The following SSBP2 variants were observed in gnomAD, a reference collection of about 807,000 sequenced individuals.
SSBP2 encodes single stranded DNA binding protein 2.
Under a neutral mutation model 61.8 loss-of-function variants are expected in SSBP2, and 17 were observed. The ratio of observed to expected loss-of-function variants is 0.28; its 90% confidence interval spans 0.19 to 0.41. The LOEUF is 0.41. SSBP2 is among the 10% of genes least tolerant of loss of function. The pLI is 1.00. For synonymous variants in SSBP2, 139 were observed against 141.3 expected (o/e 0.98, Z 0.12); for missense variants, 310 against 458.7 (o/e 0.68, Z 2.96).
chr5:81,461,198 G>T (rs960071186), intron 9 of SSBP2, 95 bp from the exon 10 acceptor site: 26 of 944,246 alleles, frequency 2.8e-5, no homozygotes, highest in Non-Finnish European at 3.8e-5. Flanking sequence ...TTATAATTCA[G>T]TTACTATGCA....
At position 81,550,789 on chromosome 5, in the gene SSBP2, A is replaced by C. The variant is rs376159244; in HGVS notation, c.283-37072T>G. ...CAAACACAGGAATTATGTTTACAAT[A>C]AAAGAAGTTTAGAAATCATAGAAGA... On this transcript the variant is annotated intron_variant, in intron 4 of 16. Transcript: ENST00000320672. 9.3e-4 allele frequency among the ~76,000 whole-genome samples: 142 copies of C among 152,350 alleles called. 3 individuals are homozygous for C. In the South Asian group the frequency reaches 0.029, roughly 31 times the overall value.
chr5:81,706,551 T>C (rs1296307972), intron 1 of SSBP2, among the ~76,000 whole-genome samples: 2 of 152,220 alleles, frequency 1.3e-5, no homozygotes, highest in Non-Finnish European at 2.9e-5. Flanking sequence ...TGGTGATACA[T>C]ATACATATAA....
chr5:81,639,577 C>A (rs546089958), intron 2 of SSBP2, among the ~76,000 whole-genome samples: 1 of 151,326 alleles, frequency 6.6e-6, no homozygotes, highest in East Asian at 1.9e-4. Flanking sequence ...AGCAGGAAAA[C>A]AGTAAAGTGG....
rs1448844381 is a variant in SSBP2 at position 81,413,542 on chromosome 5, GTTAA to G, written c.*6958_*6961del. Reference sequence around the variant, plus strand: ...CTTAAATTCGGAAAATCACAACTAGGTTAATTAAACAATTCAATACGTTAATGGC... The same window carrying G: ...CTTAAATTCGGAAAATCACAACTAGGTTAAACAATTCAATACGTTAATGGC... On this transcript the variant is annotated 3_prime_UTR_variant, in exon 17 of 17. Transcript: ENST00000320672. 3 of 152,038 alleles carry G rather than the reference GTTAA, an allele frequency of 2.0e-5. No homozygotes were observed. The highest frequency in any genetic ancestry group is 7.2e-5 in the African/African-American group (3 of 41,412). The allele number at this position is 152,038 out of a possible 1,614,324, so 9.4% of individuals were successfully genotyped here.
chr5:81,495,107 T>C (rs1051117924), intron 5 of SSBP2, among the ~76,000 whole-genome samples: 77 of 152,332 alleles, frequency 5.1e-4, no homozygotes, highest in African/African-American at 1.7e-3. Flanking sequence ...CTTAGCTTTT[T>C]ATCTCAATTC....
At chr5:81,432,946 C>CA (rs1762411113) in intron 15 of SSBP2, among the ~76,000 whole-genome samples, 1 of 142,988 alleles carries the variant, frequency 7.0e-6, no homozygotes. Flanking sequence ...GGGGGTCAGC[C>CA]CCCCGCCCAG....
intron 4 of SSBP2, among the ~76,000 whole-genome samples, chr5:81,539,900 C>A (rs1771117560): frequency 6.6e-6 from 1 of 152,120 alleles, no homozygotes; most frequent in African/African-American, 2.4e-5. Flanking sequence ...CCTTAGCCCC[C>A]CACCCCGACA....
intron 10 of SSBP2, among the ~76,000 whole-genome samples, chr5:81,451,293 T>A (rs1469408558): frequency 1.3e-5 from 2 of 152,190 alleles, no homozygotes; most frequent in African/African-American, 4.8e-5. Flanking sequence ...CAACATTCTA[T>A]TATTTATAGA....
chr5:81,611,902 C>G (rs1745486983), intron 4 of SSBP2, among the ~76,000 whole-genome samples: 1 of 152,058 alleles, frequency 6.6e-6, no homozygotes, highest in East Asian at 1.9e-4. Context: ...AAGATAAATA[C>G]ATTCTGGAGA....
intron 5 of SSBP2, among the ~76,000 whole-genome samples, chr5:81,492,667 G>T (rs1766948716): frequency 6.6e-6 from 1 of 151,686 alleles, no homozygotes; most frequent in African/African-American, 2.4e-5. Context: ...CTGGAAAAAA[G>T]CCTTCCCCAG....
intron 10 of SSBP2, among the ~76,000 whole-genome samples, chr5:81,454,648 T>C (rs1764008376): frequency 6.6e-6 from 1 of 151,516 alleles, no homozygotes; most frequent in Non-Finnish European, 1.5e-5. Flanking sequence ...GCCACTGCAC[T>C]CCAGCCTGGT....
intron 4 of SSBP2, among the ~76,000 whole-genome samples, chr5:81,525,220 G>T (rs1769828192): frequency 1.3e-5 from 2 of 151,840 alleles, no homozygotes; most frequent in South Asian, 4.2e-4. Context: ...ACATGTCCAG[G>T]TTTGCTATAT....
intron 6 of SSBP2, among the ~76,000 whole-genome samples, chr5:81,480,458 T>C (rs1765902622): frequency 6.6e-6 from 1 of 152,238 alleles, no homozygotes; most frequent in African/African-American, 2.4e-5. Flanking sequence ...AATATTTTGT[T>C]GGTAAAAAAT....
intron 4 of SSBP2, among the ~76,000 whole-genome samples, chr5:81,589,493 A>T (rs1009623019): frequency 5.9e-5 from 9 of 152,332 alleles, no homozygotes; most frequent in East Asian, 3.9e-4. Context: ...ATATTTTTTT[A>T]AAAATCACAA....
intron 4 of SSBP2, among the ~76,000 whole-genome samples, chr5:81,578,932 T>C (rs1368333240): frequency 3.9e-5 from 6 of 152,024 alleles, no homozygotes; most frequent in African/African-American, 7.2e-5. Flanking sequence ...TTGGAGTACA[T>C]AGACTAAAAT....
At position 81,417,333 on chromosome 5, in the gene SSBP2, G is replaced by C. The variant is rs1347926506; in HGVS notation, c.*3171C>G. ...CTTTGTTCCCATGGGCAACTTTGCT[G>C]TAAGACACGTAGTTAAGAATCATAC... On this transcript the variant is annotated 3_prime_UTR_variant, in exon 17 of 17. Transcript: ENST00000320672. The C allele has an allele frequency of 5.3e-5, 8 of 152,174 alleles. No homozygotes were observed. The highest frequency in any genetic ancestry group is 1.5e-5 in the Non-Finnish European group (1 of 68,038). The allele number at this position is 152,174 out of a possible 1,614,324, so 9.4% of individuals were successfully genotyped here. A position where few individuals can be genotyped will look rare whatever the true frequency, so the allele number is the denominator to read the frequency against.
intron 4 of SSBP2, among the ~76,000 whole-genome samples, chr5:81,514,114 A>G (rs1033890905): frequency 3.9e-5 from 6 of 152,192 alleles, no homozygotes; most frequent in South Asian, 4.1e-4. Context: ...GGTGGATTGT[A>G]GGAGTTGACA....
At chr5:81,499,996 C>T (rs926637218) in intron 5 of SSBP2, among the ~76,000 whole-genome samples, 1 of 152,130 alleles carries the variant, frequency 6.6e-6, no homozygotes, top group Admixed American at 6.5e-5. Context: ...CTTTCAAATT[C>T]CCATGCAGAG....
At chr5:81,537,254 T>C (rs1287289915) in intron 4 of SSBP2, among the ~76,000 whole-genome samples, 6 of 152,116 alleles carry the variant, frequency 3.9e-5, no homozygotes, top group Non-Finnish European at 8.8e-5. Flanking sequence ...AAAAATCTTC[T>C]TAACTACTGA....
Sources: allele counts gnomAD v4.1 joint callset (sites outside exome capture counted in the v4.1 genomes callset), GRCh38; gene constraint gnomAD v4.1.1; transcripts MANE v1.5; gene names NCBI Gene and HGNC (gene_info 2026-07-23, HGNC 2026-07-21).